Variants in MMP13 observed in about 807,000 individuals in gnomAD.
MMP13 encodes collagenase 3.
A neutral mutation model predicts 52.1 loss-of-function variants in MMP13; 45 were observed. That is an observed-to-expected ratio of 0.86 (90% CI 0.68 to 1.11). The LOEUF is 1.11. Among genes scored for constraint, MMP13 ranks in the 50% least tolerant of loss-of-function variants. The pLI, the probability that MMP13 is intolerant of heterozygous loss-of-function variation, is 0.00. For missense variants in MMP13, 576 were observed against 583.8 expected (o/e 0.99, Z 0.14); for synonymous variants, 200 against 204.4 (o/e 0.98, Z 0.18).
rs1860617964 is a variant in MMP13 at position 102,951,896 on chromosome 11, A to T, written c.799+116T>A. On this transcript the variant is annotated intron_variant, in intron 5 of 9. Coordinates refer to ENST00000260302, the MANE Select transcript of MMP13 (RefSeq NM_002427.4). ...CAGTATTATGAAACCTTTGTCATGCATGCGCTTCACTGTACCAAAACATTA... is the reference window on the plus strand; with the variant it reads ...CAGTATTATGAAACCTTTGTCATGCTTGCGCTTCACTGTACCAAAACATTA... The T allele has an allele frequency of 4.7e-6, 5 of 1,053,750 alleles. No homozygotes were observed. The East Asian group carries it at 1.2e-4, about 25-fold the overall frequency. The allele number at this position is 1,053,750 out of a possible 1,614,324, so 65.3% of individuals were successfully genotyped here.
intron 7 of MMP13, 38 bp from the exon 8 acceptor site, chr11:102,948,088 A>G (rs782106703): frequency 6.3e-7 from 1 of 1,583,468 alleles, no homozygotes; most frequent in Non-Finnish European, 8.7e-7. Flanking sequence ...TATCCAAGGG[A>G]ATCTATTAGG....
chr11:102,951,965 C>T, intron 5 of MMP13, 47 bp downstream of exon 5: 1 of 1,591,986 alleles, frequency 6.3e-7, no homozygotes, highest in Non-Finnish European at 8.6e-7. Context: ...GCATGGGTTT[C>T]TTCTGCTTTT....
chr11:102,947,850 C>T (rs750941699), intron 8 of MMP13, 41 bp downstream of exon 8: 32 of 1,609,464 alleles, frequency 2.0e-5, no homozygotes, highest in Middle Eastern at 1.6e-4. Context: ...AGGCACTTTG[C>T]GGCTATGACA....
In MMP13 at chr11:102,953,006, G is replaced by C. The variant is rs17860536; in HGVS notation, c.638-833C>G. 1.1e-4 allele frequency among the ~76,000 whole-genome samples: 17 copies of C among 152,254 alleles called. No homozygotes were observed. In the East Asian group the frequency reaches 3.1e-3, roughly 28 times the overall value. Reference sequence around the variant, plus strand: ...AATACCCTCTGCTATTGTAGCCTGTGCATGAAGAAAATGAACCATCCTAGC... The same window carrying C: ...AATACCCTCTGCTATTGTAGCCTGTCCATGAAGAAAATGAACCATCCTAGC... On this transcript the variant is annotated intron_variant, in intron 4 of 9. Transcript: ENST00000260302.
At position 102,949,126 on chromosome 11, in the gene MMP13, T is replaced by G. The variant is rs1555017022; in HGVS notation, c.950A>C (p.Asp317Ala). Residue 317 changes from aspartate to alanine, a missense_variant, in exon 7 of 10, where the codon GAT becomes GCT. Transcript: ENST00000260302. This position sits in a 1 kb window ranked among gnomAD's most constrained non-coding sequence, Gnocchi z 4.2. Reference protein sequence around the residue: ...FFWRLHPQQVDAELFLTKSFW... With the variant: ...FFWRLHPQQVAAELFLTKSFW... ...TGATTTCGTTAAAAACAGCTCCGCA[T>G]CAACCTGCTGAGGATGCAGGCGCCA... 2.5e-6 allele frequency: 4 copies of G among 1,613,812 alleles called. No homozygotes were observed. The highest frequency in any genetic ancestry group is 3.4e-6 in the Non-Finnish European group (4 of 1,179,798).
Position 102,943,666 on chromosome 11 carries a change from A to G in MMP13, c.*600T>C, listed in dbSNP as rs571076063. 2.6e-5 allele frequency: 4 copies of G among 153,860 alleles called. No individual in the cohort carries two copies. The South Asian group carries it at 8.1e-4, about 31-fold the overall frequency. The allele number at this position is 153,860 out of a possible 1,614,324, so 9.5% of individuals were successfully genotyped here. A position where few individuals can be genotyped will look rare whatever the true frequency, so the allele number is the denominator to read the frequency against. On this transcript the variant is annotated 3_prime_UTR_variant, in exon 10 of 10. Transcript: ENST00000260302. Reference sequence around the variant, plus strand: ...ACAGAATTCAAAGGCCACATCTACTATTCTTACCACTGCTCTTTTGTCTCC... The same window carrying G: ...ACAGAATTCAAAGGCCACATCTACTGTTCTTACCACTGCTCTTTTGTCTCC...
Position 102,955,163 on chromosome 11 carries a change from A to T in MMP13, c.362+89T>A. Reference sequence around the variant, plus strand: ...AAAGCTATTCTGGAATTTAACTGCCAATTAAATAATAAGGCCTACTTAATA... The same window carrying T: ...AAAGCTATTCTGGAATTTAACTGCCTATTAAATAATAAGGCCTACTTAATA... On this transcript the variant is annotated intron_variant, in intron 2 of 9. Coordinates refer to ENST00000260302, the MANE Select transcript of MMP13 (RefSeq NM_002427.4). This position sits in a 1 kb window ranked among gnomAD's most constrained non-coding sequence, Gnocchi z 4.9. 1 of 1,455,016 alleles carries T rather than the reference A, an allele frequency of 6.9e-7. No homozygotes were observed. The highest frequency in any genetic ancestry group is 9.5e-7 in the Non-Finnish European group (1 of 1,053,222). 90.1% of individuals were successfully genotyped at this position (1,455,016 alleles called of 1,614,324 possible). A position where few individuals can be genotyped will look rare whatever the true frequency, so the allele number is the denominator to read the frequency against.
At chr11:102,954,984 C>T (rs1860673023) in intron 2 of MMP13, among the ~76,000 whole-genome samples, 1 of 152,058 alleles carries the variant, frequency 6.6e-6, no homozygotes, top group Non-Finnish European at 1.5e-5. Flanking sequence ...AATAAATACA[C>T]CTAATGTACT....
Position 102,950,327 on chromosome 11 carries a change from G to A in MMP13, c.800-100C>T, listed in dbSNP as rs1860590329. The A allele has an allele frequency of 4.2e-6, 4 of 951,884 alleles. No individual in the cohort carries two copies. The East Asian group carries it at 7.2e-5, about 17-fold the overall frequency. The allele number at this position is 951,884 out of a possible 1,614,324, so 59.0% of individuals were successfully genotyped here. A position where few individuals can be genotyped will look rare whatever the true frequency, so the allele number is the denominator to read the frequency against. ...GATCTGCTGATGGACAGTGGGAGAG[G>A]GTTTCTCCAGGAAAAGCTGTAGGTC... On this transcript the variant is annotated intron_variant, in intron 5 of 9. Transcript: ENST00000260302.
Position 102,944,299 on chromosome 11 carries a change from G to A in MMP13, c.1383C>T (p.Arg461=), listed in dbSNP as rs374512736. Residue 461 remains arginine, a synonymous_variant, in exon 10 of 10, where the codon CGC becomes CGT. Transcript: ENST00000260302. The part of the protein sequence containing the change: ...EYSIWSNRIV[R]VMPANSILWC Reference sequence around the variant, plus strand: ...ACAAAATGGAATTTGCTGGCATGACGCGAACAATACGGTTACTCCAGATGC... The same window carrying A: ...ACAAAATGGAATTTGCTGGCATGACACGAACAATACGGTTACTCCAGATGC... The A allele has an allele frequency of 3.2e-5, 51 of 1,612,828 alleles. No homozygotes were observed. Among genetic ancestry groups the A allele is most frequent in the Middle Eastern group, 1.6e-4 (1 of 6,078 alleles).
chr11:102,950,820 A>G (rs549166372), intron 5 of MMP13, among the ~76,000 whole-genome samples: 3 of 152,122 alleles, frequency 2.0e-5, no homozygotes, highest in Non-Finnish European at 2.9e-5. Context: ...ATAATCCTAC[A>G]CTGTTTTTCT....
At chr11:102,953,910 T>C (rs1342406642) in intron 4 of MMP13, among the ~76,000 whole-genome samples, 1 of 152,238 alleles carries the variant, frequency 6.6e-6, no homozygotes, top group Admixed American at 6.5e-5. Flanking sequence ...TGGTCCTACT[T>C]CAAAGTTCAT....
chr11:102,948,123 A>T, intron 7 of MMP13, 73 bp from the exon 8 acceptor site: 1 of 1,240,578 alleles, frequency 8.1e-7, no homozygotes, highest in South Asian at 1.3e-5. Flanking sequence ...ACATGTGCTT[A>T]AAGACAGGCC....
Sources: gnomAD v4.1 joint callset for allele counts (sites outside exome capture counted in the v4.1 genomes callset) on GRCh38, gnomAD v4.1.1 for gene constraint, Gnocchi (gnomAD v3.1) non-coding constraint, MANE v1.5 for transcripts, NCBI Gene and HGNC (gene_info 2026-07-23, HGNC 2026-07-21) for gene names.